TSG101: variants seen among roughly 807,000 people sequenced by gnomAD.
TSG101 encodes the protein tumor susceptibility 101.
In TSG101, 19 loss-of-function variants were observed where a neutral mutation model predicts 48.5. That is an observed-to-expected ratio of 0.39 (90% CI 0.27 to 0.58). TSG101 has a LOEUF of 0.58. Among genes scored for constraint, TSG101 ranks in the 20% least tolerant of loss-of-function variants. TSG101 has a pLI of 0.55. For missense variants in TSG101, 365 were observed against 484.4 expected, an observed-to-expected ratio of 0.75 and a Z score of 2.31; for synonymous variants, 174 against 169.4, an observed-to-expected ratio of 1.03 and a Z score of -0.21.
chr11:18,490,719 C>A, intron 7 of TSG101: 1 of 459,814 alleles, frequency 2.2e-6, no homozygotes. Flanking sequence ...TCATGCTACT[C>A]TCTCCCCATC....
At chr11:18,513,444 C>A (rs1167651433) in intron 4 of TSG101, among the ~76,000 whole-genome samples, 1 of 152,018 alleles carries the variant, frequency 6.6e-6, no homozygotes, top group African/African-American at 2.4e-5. Context: ...CACAGGCACA[C>A]ACCACCATGC....
At chr11:18,505,063 T>C (rs905446430) in intron 6 of TSG101, among the ~76,000 whole-genome samples, 2 of 152,186 alleles carry the variant, frequency 1.3e-5, no homozygotes, top group Non-Finnish European at 2.9e-5. Context: ...GTTTGCTAAA[T>C]TAACTTTCAA....
chr11:18,482,154 T>G (rs1849550700), intron 8 of TSG101, among the ~76,000 whole-genome samples: 1 of 152,180 alleles, frequency 6.6e-6, no homozygotes, highest in Admixed American at 6.5e-5. Context: ...AACTAAGCCA[T>G]CAGACAAGAT....
intron 7 of TSG101, 47 bp downstream of exon 7, chr11:18,502,439 T>G (rs1221328281): frequency 1.3e-6 from 2 of 1,503,782 alleles, no homozygotes; most frequent in Non-Finnish European, 1.8e-6. Flanking sequence ...CAACAGGGAG[T>G]TAGACTTTGC....
At chr11:18,491,445 TG>T (rs1325619008) in intron 7 of TSG101, among the ~76,000 whole-genome samples, 1 of 152,196 alleles carries the variant, frequency 6.6e-6, no homozygotes, top group Non-Finnish European at 1.5e-5. Flanking sequence ...GCTACCTTGG[TG>T]GGTAATACTC....
At chr11:18,518,535 G>A (rs118090642) in intron 2 of TSG101, among the ~76,000 whole-genome samples, 123 of 152,266 alleles carry the variant, frequency 8.1e-4, no homozygotes, top group Non-Finnish European at 1.5e-3. Flanking sequence ...AACTCCAAGC[G>A]TTGTCTTGCC....
At position 18,525,160 on chromosome 11, in the gene TSG101, T is replaced by C. The variant is rs183815295; in HGVS notation, c.42+1615A>G. ...GTGACCTCAGGTGATCCACCCGCCT[T>C]GGCCTCCCAAAGTGCTAGGATTACA... On this transcript the variant is annotated intron_variant, in intron 1 of 9. Transcript: ENST00000251968. Among the ~76,000 whole-genome samples the C allele has an allele frequency of 7.3e-3, 1,110 of 152,196 alleles. 11 individuals are homozygous for C. Among genetic ancestry groups the C allele is most frequent in the African/African-American group, 0.025 (1,059 of 41,548 alleles).
intron 8 of TSG101, 63 bp downstream of exon 8, chr11:18,483,807 T>TAGAA: frequency 1.3e-6 from 2 of 1,563,418 alleles, no homozygotes; most frequent in Non-Finnish European, 1.8e-6. Context: ...AGGGAACATA[T>TAGAA]AGAACACTCT....
chr11:18,485,052 C>T (rs1044430163), intron 7 of TSG101, among the ~76,000 whole-genome samples: 3 of 149,102 alleles, frequency 2.0e-5, no homozygotes, highest in Admixed American at 1.4e-4. Flanking sequence ...GATTCTCCTG[C>T]CTCAGCCTCC....
rs869176661 is a variant in TSG101, at chr11:18,521,670, CTTT to C, written c.43-2070_43-2068del. 6.0e-4 allele frequency among the ~76,000 whole-genome samples: 40 copies of C among 66,734 alleles called. No individual in the cohort carries two copies. The South Asian group carries it at 0.01, about 17-fold the overall frequency. The allele number at this position is 66,734 out of a possible 152,430, so 43.8% of individuals were successfully genotyped here. ...ATGAACCACTGCACCTGGCCCCTTC[CTTT>C]TTTTTTTTTTTTTTTTTTTTTTTGA... On this transcript the variant is annotated intron_variant, in intron 1 of 9. Transcript: ENST00000251968.
intron 6 of TSG101, 113 bp from the exon 7 acceptor site, chr11:18,502,690 G>A (rs1447155191): frequency 5.5e-6 from 4 of 724,122 alleles, no homozygotes; most frequent in Non-Finnish European, 6.8e-6. Flanking sequence ...ACCAGTTGAT[G>A]AATTTATAGT....
Position 18,499,619 on chromosome 11 carries a change from G to A in TSG101, c.640+2867C>T, listed in dbSNP as rs181761280. Among the ~76,000 whole-genome samples the A allele has an allele frequency of 3.2e-3, 484 of 150,070 alleles. 3 individuals are homozygous for A. The highest frequency in any genetic ancestry group is 0.011 in the African/African-American group (448 of 40,860). On this transcript the variant is annotated intron_variant, in intron 7 of 9. Coordinates refer to ENST00000251968, the MANE Select transcript of TSG101 (RefSeq NM_006292.4). ...GTAGAGACAGGGTTTCACCATGTTG[G>A]CCAGGCTGGTCTCCAACTCCTGACC...
At chr11:18,488,363 T>C (rs1262454456) in intron 7 of TSG101, among the ~76,000 whole-genome samples, 1 of 152,148 alleles carries the variant, frequency 6.6e-6, no homozygotes, top group Non-Finnish European at 1.5e-5. Context: ...AGGGGTGATA[T>C]TGTGAGACTG....
intron 9 of TSG101, 182 bp downstream of exon 9, chr11:18,481,448 C>T (rs922672455): frequency 7.9e-6 from 11 of 1,399,968 alleles, no homozygotes; most frequent in East Asian, 2.7e-5. Flanking sequence ...CCTGCTCAGA[C>T]CAATCCTCAG....
intron 6 of TSG101, among the ~76,000 whole-genome samples, chr11:18,505,227 G>A (rs1272930038): frequency 6.6e-6 from 1 of 151,940 alleles, no homozygotes; most frequent in African/African-American, 2.4e-5. Flanking sequence ...TAGAGCAGCT[G>A]GAAGTCTCAT....
At chr11:18,514,405 T>C (rs369754521) in intron 4 of TSG101, among the ~76,000 whole-genome samples, 113 of 152,346 alleles carry the variant, frequency 7.4e-4, no homozygotes, top group African/African-American at 2.5e-3. Context: ...TTTTTTAAAA[T>C]GCACTTCCCA....
chr11:18,509,844 G>A (rs888805454), intron 4 of TSG101, among the ~76,000 whole-genome samples, 179 bp from the exon 5 acceptor site: 1 of 152,198 alleles, frequency 6.6e-6, no homozygotes, highest in African/African-American at 2.4e-5. Flanking sequence ...TAAACATGAT[G>A]TGCAGCAAGG....
chr11:18,509,990 T>C (rs1850051678), intron 4 of TSG101, among the ~76,000 whole-genome samples: 1 of 152,218 alleles, frequency 6.6e-6, no homozygotes, highest in Middle Eastern at 3.2e-3. Flanking sequence ...ATTATAAGTA[T>C]ACTGGTACAA....
At chr11:18,523,659 T>C (rs929123525) in intron 1 of TSG101, among the ~76,000 whole-genome samples, 1 of 152,020 alleles carries the variant, frequency 6.6e-6, no homozygotes, top group Non-Finnish European at 1.5e-5. Flanking sequence ...TGCGCCACCA[T>C]GTCTGGCTAA....
Sources: allele counts gnomAD v4.1 joint callset (sites outside exome capture counted in the v4.1 genomes callset), GRCh38; gene constraint gnomAD v4.1.1; transcripts MANE v1.5; gene names NCBI Gene and HGNC (gene_info 2026-07-23, HGNC 2026-07-21).